LAMA4: variants seen among roughly 807,000 people sequenced by gnomAD.
LAMA4 encodes the protein laminin subunit alpha-4.
A neutral mutation model predicts 207.1 loss-of-function variants in LAMA4; 127 were observed. That is an observed-to-expected ratio of 0.61 (90% confidence interval 0.53 to 0.71). The LOEUF (loss-of-function observed/expected upper bound fraction) is 0.71, where lower values mean the gene tolerates loss of function less well. Among genes scored for constraint, LAMA4 ranks in the 30% least tolerant of loss-of-function variants. The pLI, the probability that LAMA4 is intolerant of heterozygous loss-of-function variation, is 0.00. For missense variants in LAMA4, 2,093 were observed against 2,246.5 expected, an observed-to-expected ratio of 0.93 and a Z score of 1.38; for synonymous variants, 761 against 816.0, an observed-to-expected ratio of 0.93 and a Z score of 1.15.
chr6:112,180,303 T>C (rs1782280563), intron 9 of LAMA4, among the ~76,000 whole-genome samples: 1 of 152,206 alleles, frequency 6.6e-6, no homozygotes, highest in African/African-American at 2.4e-5. Context: ...GGCGCTAAGA[T>C]ACAGGTAGAT....
At chr6:112,131,907 T>C (rs1779056675) in intron 28 of LAMA4, among the ~76,000 whole-genome samples, 1 of 152,178 alleles carries the variant, frequency 6.6e-6, no homozygotes, top group South Asian at 2.1e-4. Context: ...GACCCATCAG[T>C]TGGATCTTAC....
chr6:112,169,976 G>T (rs1781618051), intron 12 of LAMA4, among the ~76,000 whole-genome samples: 2 of 152,174 alleles, frequency 1.3e-5, no homozygotes, highest in Admixed American at 1.3e-4. Context: ...AGATACTTTG[G>T]TTCTCAGTTC....
chr6:112,112,175 T>C (rs918428677), intron 38 of LAMA4, among the ~76,000 whole-genome samples: 29 of 152,006 alleles, frequency 1.9e-4, no homozygotes, highest in African/African-American at 6.8e-4. Flanking sequence ...GAAAGGGGCG[T>C]GTTGTAAGTA....
chr6:112,197,746 C>T (rs1554350951), intron 5 of LAMA4, among the ~76,000 whole-genome samples: 3 of 152,252 alleles, frequency 2.0e-5, no homozygotes, highest in Non-Finnish European at 4.4e-5. Flanking sequence ...CATGTGACGA[C>T]TCATGTCTCT....
intron 2 of LAMA4, among the ~76,000 whole-genome samples, chr6:112,248,719 G>T (rs1368843033): frequency 6.6e-6 from 1 of 151,854 alleles, no homozygotes; most frequent in Non-Finnish European, 1.5e-5. Context: ...TAAATCAACA[G>T]CTTTTAAGAT....
At chr6:112,225,645 C>T (rs547062272) in intron 2 of LAMA4, among the ~76,000 whole-genome samples, 26 of 152,272 alleles carry the variant, frequency 1.7e-4, no homozygotes, top group African/African-American at 6.3e-4. Flanking sequence ...TATAAACTTA[C>T]TCTCTAAACT....
chr6:112,243,085 G>T (rs1554187976), intron 2 of LAMA4, among the ~76,000 whole-genome samples: 1 of 152,184 alleles, frequency 6.6e-6, no homozygotes, highest in African/African-American at 2.4e-5. Flanking sequence ...TCCAGATAGA[G>T]TAGGGGGTAG....
At chr6:112,247,614 C>A (rs1787081414) in intron 2 of LAMA4, among the ~76,000 whole-genome samples, 1 of 152,190 alleles carries the variant, frequency 6.6e-6, no homozygotes, top group South Asian at 2.1e-4. Flanking sequence ...CGAGGCCCAC[C>A]ACTCACAGGA....
chr6:112,247,837 C>T (rs782405053), intron 2 of LAMA4, among the ~76,000 whole-genome samples: 1 of 152,086 alleles, frequency 6.6e-6, no homozygotes, highest in South Asian at 2.1e-4. Context: ...AGAAACGACC[C>T]AAATGTCCAT....
At chr6:112,111,958 A>G (rs1444095732) in intron 38 of LAMA4, among the ~76,000 whole-genome samples, 1 of 152,096 alleles carries the variant, frequency 6.6e-6, no homozygotes, top group Non-Finnish European at 1.5e-5. Context: ...GTTGGGTGGC[A>G]TAGTGAAGGA....
intron 2 of LAMA4, among the ~76,000 whole-genome samples, chr6:112,237,899 A>G (rs897930220): frequency 6.6e-6 from 1 of 152,152 alleles, no homozygotes; most frequent in South Asian, 2.1e-4. Context: ...CTATTGCCCA[A>G]TCTAGCCAGG....
At chr6:112,249,304 G>T (rs988267452) in intron 2 of LAMA4, among the ~76,000 whole-genome samples, 2 of 152,064 alleles carry the variant, frequency 1.3e-5, no homozygotes, top group East Asian at 3.9e-4. Flanking sequence ...TTAGTTGGGC[G>T]TTGTGGCATG....
chr6:112,189,160 C>T lies in LAMA4; in HGVS notation c.764G>A (p.Cys255Tyr), dbSNP rs1554347691. Residue 255 changes from cysteine (C) to tyrosine (Y), a missense_variant, in exon 7 of 39, where the codon TGC becomes TAC. Physicochemically the swap from Cys to Tyr is radical, Grantham distance 194. Transcript: ENST00000230538. Reference sequence around the variant, plus strand: ...AGGGGGTTCAAAACCTTCTTCCAAGCATTCTCCGGTTACACTGTCACATGG... The same window carrying T: ...AGGGGGTTCAAAACCTTCTTCCAAGTATTCTCCGGTTACACTGTCACATGG... ...GGPCDSVTGE[C>Y]LEEGFEPPTG... 2 of 1,613,980 alleles carry T rather than the reference C, an allele frequency of 1.2e-6. No homozygotes were observed. Among genetic ancestry groups the T allele is most frequent in the Non-Finnish European group, 1.7e-6 (2 of 1,179,984 alleles).
intron 38 of LAMA4, among the ~76,000 whole-genome samples, chr6:112,113,560 A>G (rs1777830263): frequency 6.6e-6 from 1 of 152,210 alleles, no homozygotes; most frequent in African/African-American, 2.4e-5. Flanking sequence ...GCAGTGACTG[A>G]TGATGTTTAC....
At position 112,216,512 on chromosome 6, in the gene LAMA4, G is replaced by T. The variant is rs1554358797; in HGVS notation, c.196-43C>A. On this transcript the variant is annotated intron_variant, in intron 2 of 38. Coordinates refer to ENST00000230538, the MANE Select transcript of LAMA4 (RefSeq NM_001105206.3). ...AACCATTTTGATTATTGAAAAGATT[G>T]ATTTTGGTCAATATTTTCTGAGAAG... 3 of 1,330,236 alleles carry T rather than the reference G, an allele frequency of 2.3e-6. No homozygotes were observed. The South Asian group carries it at 3.5e-5, about 16-fold the overall frequency. 82.4% of individuals were successfully genotyped at this position (1,330,236 alleles called of 1,614,324 possible).
rs782408495 is a variant in LAMA4, at chr6:112,254,167, A to G, written c.-17T>C. On this transcript the variant is annotated 5_prime_UTR_variant, in exon 2 of 39. Transcript: ENST00000230538. ...CAAAGCCATTTCTCCGCTGACATCC[A>G]GTAGTGCTCTTCCAGGGCTCGGGCG... 4 of 1,612,390 alleles carry G rather than the reference A, an allele frequency of 2.5e-6. No homozygotes were observed. In the African/African-American group the frequency reaches 4.0e-5, roughly 16 times the overall value.
At chr6:112,124,993 T>A (rs1554327148) in intron 31 of LAMA4, among the ~76,000 whole-genome samples, 1 of 152,020 alleles carries the variant, frequency 6.6e-6, no homozygotes, top group African/African-American at 2.4e-5. Flanking sequence ...CTGACCTCTT[T>A]TTCCACCTGC....
chr6:112,172,409 A>G (rs1781767577), intron 12 of LAMA4: 2 of 588,034 alleles, frequency 3.4e-6, no homozygotes, highest in Non-Finnish European at 3.0e-6. Flanking sequence ...TCAAAGCAAG[A>G]ACTAGACAAT....
Position 112,117,825 on chromosome 6 carries a change from GA to G in LAMA4, c.4894del (p.Ser1632LeufsTer6), listed in dbSNP as rs1554324472. On this transcript the variant is annotated frameshift_variant, in exon 35 of 39. Coordinates refer to ENST00000230538, the MANE Select transcript of LAMA4 (RefSeq NM_001105206.3). LOFTEE classifies it high-confidence loss of function. This position sits in a 1 kb window ranked among gnomAD's most constrained non-coding sequence, Gnocchi z 4.5. ...QLNGASITSASQTFSVTPCFE... is the reference protein window; with the variant it reads ...QLNGASITSAXQTFSVTPCFE... ...GCAAGGGGTCACACTGAATGTCTGA[GA>G]AGCAGAGGTGATGGAGGCCCCATTG... The G allele has an allele frequency of 6.2e-7, 1 of 1,613,664 alleles. No individual in the cohort carries two copies. Among genetic ancestry groups the G allele is most frequent in the East Asian group, 2.2e-5 (1 of 44,886 alleles).
Sources: allele counts gnomAD v4.1 joint callset (sites outside exome capture counted in the v4.1 genomes callset), GRCh38; gene constraint gnomAD v4.1.1; non-coding constraint Gnocchi (gnomAD v3.1); transcripts MANE v1.5; gene names NCBI Gene and HGNC (gene_info 2026-07-23, HGNC 2026-07-21).